Variants in TMEM161A observed in about 807,000 individuals in gnomAD.
TMEM161A encodes the protein transmembrane protein 161A.
A neutral mutation model predicts 57.1 loss-of-function variants in TMEM161A; 46 were observed. The observed-to-expected ratio is 0.81, with a 90% confidence interval of 0.64 to 1.03. The LOEUF (loss-of-function observed/expected upper bound fraction) is 1.03, where lower values mean the gene tolerates loss of function less well. TMEM161A is among the 50% of genes least tolerant of loss of function. The pLI, the probability that TMEM161A is intolerant of heterozygous loss-of-function variation, is 0.00. For missense variants in TMEM161A, 601 were observed against 621.5 expected (o/e 0.97, Z 0.35); for synonymous variants, 288 against 279.0 (o/e 1.03, Z -0.32).
At chr19:19,135,906 C>T (rs545073851) in intron 1 of TMEM161A, among the ~76,000 whole-genome samples, 1 of 151,960 alleles carries the variant, frequency 6.6e-6, no homozygotes, top group African/African-American at 2.4e-5. Context: ...GAGATGGGGT[C>T]TTGCTATGTT....
intron 6 of TMEM161A, among the ~76,000 whole-genome samples, chr19:19,126,055 C>G (rs927647972): frequency 3.3e-5 from 5 of 150,186 alleles, no homozygotes; most frequent in Admixed American, 6.6e-5. Flanking sequence ...TGCCTGAGGT[C>G]TGGAGTTCAA....
At chr19:19,133,619 G>A (rs1475425384) in intron 2 of TMEM161A, among the ~76,000 whole-genome samples, 1 of 152,094 alleles carries the variant, frequency 6.6e-6, no homozygotes, top group African/African-American at 2.4e-5. Context: ...CTACAGGCAT[G>A]CGCCACCATG....
In TMEM161A at chr19:19,130,192, C is replaced by T; in HGVS notation, c.559G>A (p.Val187Met). Residue 187 changes from valine (V) to methionine (M), a missense_variant, in exon 6 of 12, where the codon GTG becomes ATG. Transcript: ENST00000162044. ...CCCAGCTCGAGGGTCTCCTCCCGCA[C>T]CACTTGCACCAGCATGGCCAGCAGC... ...FLLLAMLVQV[V>M]REETLELGLE... is the part of the protein sequence containing the mutation. 1 of 1,613,880 alleles carries T rather than the reference C, an allele frequency of 6.2e-7. No homozygotes were observed. Among genetic ancestry groups the T allele is most frequent in the Non-Finnish European group, 8.5e-7 (1 of 1,180,048 alleles).
Position 19,132,351 on chromosome 19 carries a change from C to T in TMEM161A, c.443+1G>A. 2 of 1,611,266 alleles carry T rather than the reference C, an allele frequency of 1.2e-6. No homozygotes were observed. Among genetic ancestry groups the T allele is most frequent in the East Asian group, 2.2e-5 (1 of 44,866 alleles). ...TGGCAGGGAGCAGAGAGGAAGGATA[C>T]ATGGAGAAGGTCACCGTGAGCAGGC... On this transcript the variant is annotated splice_donor_variant, in intron 5 of 11. Coordinates refer to ENST00000162044, the MANE Select transcript of TMEM161A (RefSeq NM_017814.3). LOFTEE classifies it high-confidence loss of function. The surrounding 1 kb of genome is among the most constrained non-coding windows in gnomAD (Gnocchi z 4.3).
At position 19,130,240 on chromosome 19, in the gene TMEM161A, G is replaced by A. The variant is rs1160271067; in HGVS notation, c.511C>T (p.Leu171Phe). 3 of 1,613,970 alleles carry A rather than the reference G, an allele frequency of 1.9e-6. No individual in the cohort carries two copies. The highest frequency in any genetic ancestry group is 1.7e-5 in the Admixed American group (1 of 60,018). Residue 171 changes from leucine to phenylalanine, a missense_variant, in exon 6 of 12, where the codon CTC becomes TTC. Coordinates refer to ENST00000162044, the MANE Select transcript of TMEM161A (RefSeq NM_017814.3). The part of the protein sequence containing the change: ...AEEGGERSVC[L>F]TFAFLFLLLA... ...AGCAGGAAGAGGAAGGCAAAGGTGA[G>A]GCAGACAGAGCGCTCACCCCCCTCC...
intron 1 of TMEM161A, 102 bp downstream of exon 1, chr19:19,138,324 C>T: frequency 1.3e-6 from 2 of 1,514,670 alleles, no homozygotes; most frequent in East Asian, 2.5e-5. Context: ...AGCCTCCAAT[C>T]CCCAAGAAGA....
At chr19:19,128,602 G>C (rs4808924) in intron 6 of TMEM161A, among the ~76,000 whole-genome samples, 101,271 of 147,496 alleles carry the variant, frequency 0.69, 34,970 homozygotes, top group East Asian at 0.9. Flanking sequence ...ACAATGGCTC[G>C]ATCTTGGCTC....
chr19:19,123,998 G>A (rs560830249), intron 6 of TMEM161A, among the ~76,000 whole-genome samples: 1 of 151,860 alleles, frequency 6.6e-6, no homozygotes, highest in East Asian at 1.9e-4. Flanking sequence ...AGGTTGCAGT[G>A]AGCCGAGATT....
chr19:19,133,317 G>A, intron 2 of TMEM161A, 107 bp from the exon 3 acceptor site: 2 of 937,750 alleles, frequency 2.1e-6, no homozygotes, highest in Non-Finnish European at 1.7e-6. Context: ...CTAGGCCAGG[G>A]GAACACTGGG....
At position 19,120,040 on chromosome 19, in the gene TMEM161A, G is replaced by T; in HGVS notation, c.1330C>A (p.Pro444Thr). ...IAGALGGLLT[P>T]LFLRGVLAYL... ...GCCAGGACGCCACGGAGGAAGAGGGGAGTAAGCAGGCCACCCAGAGCCCCG... is the reference window on the plus strand; with the variant it reads ...GCCAGGACGCCACGGAGGAAGAGGGTAGTAAGCAGGCCACCCAGAGCCCCG... The change falls in exon 12 of 12, where the codon CCC (proline) becomes ACC (threonine). Residue 444 changes from proline (P) to threonine (T), a missense_variant. Coordinates refer to ENST00000162044, the MANE Select transcript of TMEM161A (RefSeq NM_017814.3). 2 of 1,601,396 alleles carry T rather than the reference G, an allele frequency of 1.2e-6. No homozygotes were observed. Among genetic ancestry groups the T allele is most frequent in the Non-Finnish European group, 1.7e-6 (2 of 1,174,782 alleles).
At chr19:19,122,383 T>C (rs1266350383) in intron 6 of TMEM161A, among the ~76,000 whole-genome samples, 2 of 152,020 alleles carry the variant, frequency 1.3e-5, no homozygotes, top group African/African-American at 4.8e-5. Context: ...GCTCCCTAGG[T>C]TATAGAAGGA....
At chr19:19,133,625 C>T (rs1468321568) in intron 2 of TMEM161A, among the ~76,000 whole-genome samples, 1 of 152,148 alleles carries the variant, frequency 6.6e-6, no homozygotes, top group East Asian at 1.9e-4. Context: ...GCATGCGCCA[C>T]CATGCCCAGC....
At chr19:19,120,326 C>T (rs2059902498) in intron 11 of TMEM161A, 143 bp from the exon 12 acceptor site, 2 of 768,820 alleles carry the variant, frequency 2.6e-6, no homozygotes, top group Admixed American at 2.9e-5. Context: ...TCTCCACCCC[C>T]TCAGGCGCTG....
intron 6 of TMEM161A, among the ~76,000 whole-genome samples, chr19:19,122,766 CA>C (rs1172853044): frequency 0.15 from 17,568 of 117,486 alleles, 912 homozygotes; most frequent in African/African-American, 0.22. Flanking sequence ...AAGACCTTGT[CA>C]AAAAAAAAAA....
chr19:19,119,817 G>A lies in TMEM161A; in HGVS notation c.*113C>T. On this transcript the variant is annotated 3_prime_UTR_variant, in exon 12 of 12. Transcript: ENST00000162044. ...GGCACTGTGGTGAAGGGAACGCCGGGGAGTCCGGCCCCACCTTGCAGCTGG... is the reference window on the plus strand; with the variant it reads ...GGCACTGTGGTGAAGGGAACGCCGGAGAGTCCGGCCCCACCTTGCAGCTGG... 1.5e-6 allele frequency: 2 copies of A among 1,358,172 alleles called. No homozygotes were observed. Among genetic ancestry groups the A allele is most frequent in the Non-Finnish European group, 2.0e-6 (2 of 1,007,576 alleles). The allele number at this position is 1,358,172 out of a possible 1,614,324, so 84.1% of individuals were successfully genotyped here.
intron 6 of TMEM161A, among the ~76,000 whole-genome samples, chr19:19,127,515 A>G (rs528479241): frequency 3.5e-4 from 53 of 151,824 alleles, no homozygotes; most frequent in Middle Eastern, 3.4e-3. Context: ...GTAGAGACGG[A>G]GTTTCACCAT....
Position 19,120,164 on chromosome 19 carries a change from C to T in TMEM161A, c.1206G>A (p.Leu402=). ...CGGGGGATAGTAGAGGAGCTGGGCC[C>T]AGGCCCCAGGAATAGCCTCCTAGGA... The part of the protein sequence containing the change: ...LKTLGGYSWG[L]GPAPLLSPDP... Residue 402 remains leucine, a synonymous_variant, in exon 12 of 12, where the codon CTG becomes CTA. Coordinates refer to ENST00000162044, the MANE Select transcript of TMEM161A (RefSeq NM_017814.3). The T allele has an allele frequency of 6.4e-7, 1 of 1,554,204 alleles. No individual in the cohort carries two copies. The highest frequency in any genetic ancestry group is 8.7e-7 in the Non-Finnish European group (1 of 1,147,778).
chr19:19,128,546 T>A (rs1367304789), intron 6 of TMEM161A, among the ~76,000 whole-genome samples: 2 of 149,546 alleles, frequency 1.3e-5, no homozygotes, highest in East Asian at 3.9e-4. Flanking sequence ...TTTTTTTTTT[T>A]TTTTTTTTTG....
rs145085834 is a variant in TMEM161A at position 19,119,777 on chromosome 19, G to T, written c.*153C>A. ...CTGAGGCAGAAACTCGGCGTCCAAG[G>T]GGGGCCGCGGGTCAGGCACTGTGGT... is the stretch of plus-strand genomic sequence containing the variant. On this transcript the variant is annotated 3_prime_UTR_variant, in exon 12 of 12. Transcript: ENST00000162044. 692 of 965,182 alleles carry T rather than the reference G, an allele frequency of 7.2e-4. 3 individuals carry two copies. The African/African-American group carries it at 0.01, about 14-fold the overall frequency. The allele number at this position is 965,182 out of a possible 1,614,324, so 59.8% of individuals were successfully genotyped here. A position where few individuals can be genotyped will look rare whatever the true frequency, so the allele number is the denominator to read the frequency against.
Sources: gnomAD v4.1 joint callset for allele counts (sites outside exome capture counted in the v4.1 genomes callset) on GRCh38, gnomAD v4.1.1 for gene constraint, Gnocchi (gnomAD v3.1) non-coding constraint, MANE v1.5 for transcripts, NCBI Gene and HGNC (gene_info 2026-07-23, HGNC 2026-07-21) for gene names.